ZNF20: variants seen among roughly 807,000 people sequenced by gnomAD.
ZNF20 encodes zinc finger protein KOX13.
In ZNF20, 9 loss-of-function variants were observed where a neutral mutation model predicts 11.0. That is an observed-to-expected ratio of 0.82 (90% confidence interval 0.49 to 1.43). The LOEUF (loss-of-function observed/expected upper bound fraction) is 1.43. ZNF20 is among the 40% of genes most tolerant of loss of function. The probability of loss-of-function intolerance (pLI) is 0.00; values close to 1 mark genes in which losing one functional copy is unlikely to be tolerated. For missense variants in ZNF20, 528 were observed against 640.8 expected (o/e 0.82, Z 1.90); for synonymous variants, 182 against 213.0 (o/e 0.85, Z 1.27).
chr19:12,138,696 T>C (rs1194727786), intron 1 of ZNF20, among the ~76,000 whole-genome samples: 1 of 151,238 alleles, frequency 6.6e-6, no homozygotes, highest in Non-Finnish European at 1.5e-5. Context: ...TACTCTACAA[T>C]AAAGAAAGTT....
intron 3 of ZNF20, 114 bp downstream of exon 3, chr19:12,135,386 C>A: frequency 9.5e-7 from 1 of 1,052,374 alleles, no homozygotes; most frequent in East Asian, 2.4e-5. Flanking sequence ...GGGATTCACC[C>A]ACCTCGACCT....
rs769870404 is a variant in ZNF20, at chr19:12,133,719, T to C, written c.467A>G (p.Asp156Gly). The C allele has an allele frequency of 6.2e-7, 1 of 1,614,144 alleles. No homozygotes were observed. ...KECKKAFSYL[D>G]SFQSHDKACT... Reference sequence around the variant, plus strand: ...AGCTTTATCATGTGATTGAAAGGAGTCAAGATAACTGAAGGCTTTCTTACA... The same window carrying C: ...AGCTTTATCATGTGATTGAAAGGAGCCAAGATAACTGAAGGCTTTCTTACA... Residue 156 changes from aspartate (D) to glycine (G), a missense_variant, in exon 4 of 4, where the codon GAC (aspartate) becomes GGC (glycine). Coordinates refer to ENST00000334213, the MANE Select transcript of ZNF20 (RefSeq NM_021143.4).
chr19:12,132,501 GGTTCTTTCACCACTCTCTT>G lies in ZNF20; in HGVS notation c.*67_*85del. 1 of 1,361,420 alleles carries G rather than the reference GGTTCTTTCACCACTCTCTT, an allele frequency of 7.3e-7. No homozygotes were observed. Among genetic ancestry groups the G allele is most frequent in the Non-Finnish European group, 1.0e-6 (1 of 1,000,048 alleles). 84.3% of individuals were successfully genotyped at this position (1,361,420 alleles called of 1,614,324 possible). On this transcript the variant is annotated 3_prime_UTR_variant, in exon 4 of 4. Coordinates refer to ENST00000334213, the MANE Select transcript of ZNF20 (RefSeq NM_021143.4). ...TCAATTCAAAAAGCAGTTATCCAGA[GGTTCTTTCACCACTCTCTT>G]TTCTTGTGTTTCAAAGGAAGTGGGA...
intron 1 of ZNF20, among the ~76,000 whole-genome samples, chr19:12,138,355 A>G (rs2145602140): frequency 6.6e-6 from 1 of 151,434 alleles, no homozygotes; most frequent in South Asian, 2.1e-4. Context: ...TGAGGGCAGG[A>G]GAATCACCTG....
intron 1 of ZNF20, chr19:12,136,848 T>C (rs1261315007): frequency 2.2e-6 from 1 of 448,418 alleles, no homozygotes; most frequent in Non-Finnish European, 4.5e-6. Context: ...GGTCCTCACT[T>C]ACCAGAAGGA....
At chr19:12,137,019 C>G (rs539057411) in intron 1 of ZNF20, 367 of 287,350 alleles carry the variant, frequency 1.3e-3, no homozygotes, top group Non-Finnish European at 2.1e-3. Flanking sequence ...GAAACCCGTA[C>G]TCAAGCCGTG....
In ZNF20 at chr19:12,132,336, G is replaced by A; in HGVS notation, c.*251C>T. 2.2e-6 allele frequency: 1 copy of A among 447,616 alleles called. No individual in the cohort carries two copies. The allele number at this position is 447,616 out of a possible 1,614,324, so 27.7% of individuals were successfully genotyped here. A position where few individuals can be genotyped will look rare whatever the true frequency, so the allele number is the denominator to read the frequency against. The stretch of plus-strand genomic sequence containing the variant: ...CGGGTAGCCACACACCTCTCTCCCT[G>A]TGTGGGGCCTCTAATATGTGACTGA... On this transcript the variant is annotated 3_prime_UTR_variant, in exon 4 of 4. Coordinates refer to ENST00000334213, the MANE Select transcript of ZNF20 (RefSeq NM_021143.4).
rs551290062 is a variant in ZNF20, at chr19:12,140,283, C to A, written c.-101G>T. 6 of 1,487,356 alleles carry A rather than the reference C, an allele frequency of 4.0e-6. No homozygotes were observed. The highest frequency in any genetic ancestry group is 5.5e-6 in the Non-Finnish European group (6 of 1,087,106). 92.1% of individuals were successfully genotyped at this position (1,487,356 alleles called of 1,614,324 possible). A position where few individuals can be genotyped will look rare whatever the true frequency, so the allele number is the denominator to read the frequency against. ...GCGACAGAAGTTGTGGCAGAGGGAC[C>A]CGGGGCCTCTCGGAGTAGGAAATCT... On this transcript the variant is annotated 5_prime_UTR_variant, in exon 1 of 4. Coordinates refer to ENST00000334213, the MANE Select transcript of ZNF20 (RefSeq NM_021143.4).
Position 12,133,181 on chromosome 19 carries a change from T to C in ZNF20, c.1005A>G (p.Gly335=). 6.2e-7 allele frequency: 1 copy of C among 1,613,850 alleles called. No homozygotes were observed. The highest frequency in any genetic ancestry group is 8.5e-7 in the Non-Finnish European group (1 of 1,179,762). ...HLQKHGRTHT[G]EKPYECRQCG... ...ATTGCCTACATTCATAGGGTTTCTC[T>C]CCAGTGTGAGTCCTTCCATGCTTTT... The change falls in exon 4 of 4, where the codon GGA becomes GGG. Residue 335 remains glycine, a synonymous_variant. Coordinates refer to ENST00000334213, the MANE Select transcript of ZNF20 (RefSeq NM_021143.4).
At chr19:12,135,284 C>A (rs771093433) in intron 3 of ZNF20, among the ~76,000 whole-genome samples, 1 of 152,196 alleles carries the variant, frequency 6.6e-6, no homozygotes, top group African/African-American at 2.4e-5. Flanking sequence ...GGACTACAGG[C>A]ATGTGCCACC....
chr19:12,138,611 G>C (rs1241950168), intron 1 of ZNF20, among the ~76,000 whole-genome samples: 3 of 152,080 alleles, frequency 2.0e-5, no homozygotes, highest in Admixed American at 1.3e-4. Flanking sequence ...TTTAAAAAAA[G>C]TTATCCATGA....
At chr19:12,134,731 CTCTG>C (rs1441412703) in intron 3 of ZNF20, among the ~76,000 whole-genome samples, 1 of 152,210 alleles carries the variant, frequency 6.6e-6, no homozygotes, top group African/African-American at 2.4e-5. Context: ...CAGCTTTCTG[CTCTG>C]TCTGAATCAT....
chr19:12,138,189 G>A (rs965426185), intron 1 of ZNF20, among the ~76,000 whole-genome samples: 5 of 152,118 alleles, frequency 3.3e-5, no homozygotes, highest in African/African-American at 9.7e-5. Flanking sequence ...GGTGGCTCAC[G>A]CCTGTAAAAT....
rs191565976 is a variant in ZNF20 at position 12,133,766 on chromosome 19, C to A, written c.420G>T (p.Glu140Asp). The A allele has an allele frequency of 3.5e-5, 56 of 1,613,792 alleles. No homozygotes were observed. In the African/African-American group the frequency reaches 6.0e-4, roughly 17 times the overall value. Reference protein sequence around the residue: ...HKSSEYQEYGENPYRNKECKK... With the variant: ...HKSSEYQEYGDNPYRNKECKK... ...TACATTCCTTATTTCTATATGGATT[C>A]TCTCCATATTCCTGATACTCAGATG... Residue 140 changes from glutamate (E) to aspartate (D), a missense_variant, in exon 4 of 4, where the codon GAG (glutamate) becomes GAT (aspartate). Glu to Asp is a conservative substitution (Grantham distance 45, BLOSUM62 2). Transcript: ENST00000334213.
At chr19:12,136,446 C>T (rs1976712718) in intron 1 of ZNF20, among the ~76,000 whole-genome samples, 1 of 151,844 alleles carries the variant, frequency 6.6e-6, no homozygotes, top group Admixed American at 6.6e-5. Context: ...CTTTGGGAGG[C>T]CAAGGTGGGC....
chr19:12,135,687 A>T, intron 2 of ZNF20, 82 bp downstream of exon 2: 1 of 1,595,722 alleles, frequency 6.3e-7, no homozygotes. Context: ...TTTTTTGTCC[A>T]TGTTCCAAAT....
At chr19:12,136,915 C>A in intron 1 of ZNF20, 1 of 425,432 alleles carries the variant, frequency 2.4e-6, no homozygotes, top group South Asian at 1.7e-5. Context: ...CCATCATCTC[C>A]ATATGAATTA....
chr19:12,133,248 C>T lies in ZNF20; in HGVS notation c.938G>A (p.Cys313Tyr), dbSNP rs1976654128. 1 of 1,614,186 alleles carries T rather than the reference C, an allele frequency of 6.2e-7. No individual in the cohort carries two copies. The highest frequency in any genetic ancestry group is 8.5e-7 in the Non-Finnish European group (1 of 1,180,034). ...TCTAAAGGCTTTCCCACACTGCTTA[C>T]ATTCATAGGGTTTCTCTCCAGTGTG... The part of the protein sequence containing the change: ...MTHTGEKPYE[C>Y]KQCGKAFRCG... The change falls in exon 4 of 4, where the codon TGT becomes TAT. Residue 313 changes from cysteine to tyrosine, a missense_variant. Coordinates refer to ENST00000334213, the MANE Select transcript of ZNF20 (RefSeq NM_021143.4).
chr19:12,140,221 TC>T lies in ZNF20; in HGVS notation c.-40del. ...GGTGTCCCGGTGTCCTCTCTAGGGC[TC>T]CCGTGAATAGTGCGGGTCACGGTGC... On this transcript the variant is annotated 5_prime_UTR_variant, in exon 1 of 4. Transcript: ENST00000334213. 6.3e-7 allele frequency: 1 copy of T among 1,597,066 alleles called. No homozygotes were observed. The highest frequency in any genetic ancestry group is 8.5e-7 in the Non-Finnish European group (1 of 1,171,554).
Sources: allele counts gnomAD v4.1 joint callset (sites outside exome capture counted in the v4.1 genomes callset), GRCh38; gene constraint gnomAD v4.1.1; transcripts MANE v1.5; gene names NCBI Gene and HGNC (gene_info 2026-07-23, HGNC 2026-07-21).